LRRC75A: variants seen among roughly 807,000 people sequenced by gnomAD.
LRRC75A encodes the protein leucine rich repeat containing 75A.
A neutral mutation model predicts 26.0 loss-of-function variants in LRRC75A; 12 were observed. That is an observed-to-expected ratio of 0.46 (90% CI 0.30 to 0.75). The LOEUF (loss-of-function observed/expected upper bound fraction) is 0.75. Ranked by LOEUF, LRRC75A falls within the 30% of genes least tolerant of loss-of-function variation. The pLI is 0.08. For synonymous variants in LRRC75A, 223 were observed against 219.3 expected (o/e 1.02, Z -0.15); for missense variants, 410 against 486.6 (o/e 0.84, Z 1.48).
intron 1 of LRRC75A, among the ~76,000 whole-genome samples, chr17:16,471,190 T>C (rs2093804845): frequency 6.6e-6 from 1 of 151,944 alleles, no homozygotes. Context: ...AAGGCAGCAA[T>C]GTGAAGGTGG....
intron 2 of LRRC75A, among the ~76,000 whole-genome samples, chr17:16,456,104 GGGGAGGAGGAGGAGT>G (rs2093675644): frequency 3.4e-5 from 5 of 146,100 alleles, no homozygotes; most frequent in African/African-American, 7.9e-5. Context: ...GGAAGGGGAG[GGGGAGGAGGAGGAGT>G]AGCAGTAGTA....
chr17:16,467,729 G>T (rs760421268), intron 1 of LRRC75A, among the ~76,000 whole-genome samples: 6 of 152,112 alleles, frequency 3.9e-5, no homozygotes, highest in Admixed American at 6.5e-5. Context: ...GCGCCTGTAG[G>T]GCTGTCCTTG....
chr17:16,485,681 T>C lies in LRRC75A; in HGVS notation c.246+6064A>G, dbSNP rs868081280. Among the ~76,000 whole-genome samples, 8 of 135,544 alleles carry C rather than the reference T, an allele frequency of 5.9e-5. No individual in the cohort carries two copies. The East Asian group carries it at 1.2e-3, about 21-fold the overall frequency. The allele number at this position is 135,544 out of a possible 152,430, so 88.9% of individuals were successfully genotyped here. ...GTGTGTGTGTGTGTTCGTGTGTGTG[T>C]GTGTGTGTGTGTATGCGTGGGCGCG... On this transcript the variant is annotated intron_variant, in intron 1 of 3. Transcript: ENST00000470794.
intron 2 of LRRC75A, among the ~76,000 whole-genome samples, chr17:16,454,895 G>A (rs1338859581): frequency 1.3e-5 from 2 of 151,000 alleles, no homozygotes; most frequent in Non-Finnish European, 3.0e-5. Context: ...GGTAGCTGGG[G>A]CTAAGGGTCC....
rs765388071 is a variant in LRRC75A, at chr17:16,447,958, T to C, written c.378A>G (p.Glu126=). Residue 126 remains glutamate, a splice_region_variant and synonymous_variant, in exon 3 of 4, where the codon GAA becomes GAG. Transcript: ENST00000470794. ...LARYIHCPKP[E]GDALGAMEKL... is the part of the protein sequence containing the mutation. ...TCTCCATGGCGCCCAGTGCATCGCC[T>C]TCCTGCAGAGGCAACCATGGGTGGT... 6.4e-6 allele frequency: 10 copies of C among 1,550,932 alleles called. No individual in the cohort carries two copies. Among genetic ancestry groups the C allele is most frequent in the South Asian group, 1.2e-5 (1 of 84,052 alleles).
chr17:16,449,742 G>C (rs143971981), intron 2 of LRRC75A, among the ~76,000 whole-genome samples: 1 of 152,070 alleles, frequency 6.6e-6, no homozygotes, highest in African/African-American at 2.4e-5. Flanking sequence ...TCAGCCTCCC[G>C]AGTAGTTGGG....
intron 2 of LRRC75A, among the ~76,000 whole-genome samples, chr17:16,449,490 C>T (rs1479102066): frequency 6.6e-6 from 1 of 152,210 alleles, no homozygotes; most frequent in Non-Finnish European, 1.5e-5. Flanking sequence ...GCCCAACCCA[C>T]AGCAAGCTCT....
Position 16,444,003 on chromosome 17 carries a change from A to C in LRRC75A, c.620T>G (p.Val207Gly). 2.5e-6 allele frequency: 4 copies of C among 1,613,836 alleles called. No individual in the cohort carries two copies. The change falls in exon 4 of 4, where the codon GTG (valine) becomes GGG (glycine). Residue 207 changes from valine (V) to glycine (G), a missense_variant. Coordinates refer to ENST00000470794, the MANE Select transcript of LRRC75A (RefSeq NM_001113567.3). ...LQRCGEQVDS[V>G]ELGFTGLTDD... The stretch of plus-strand genomic sequence containing the variant: ...CGTGAGGCCTGTGAAGCCCAGCTCC[A>C]CGCTGTCTACCTGCTCCCCACAGCG...
At chr17:16,481,937 C>G (rs983810854) in intron 1 of LRRC75A, among the ~76,000 whole-genome samples, 5 of 152,198 alleles carry the variant, frequency 3.3e-5, no homozygotes, top group Non-Finnish European at 5.9e-5. Context: ...TCCGCATACG[C>G]AGAGGACTCC....
intron 2 of LRRC75A, among the ~76,000 whole-genome samples, chr17:16,460,049 G>GA (rs1305802801): frequency 2.0e-5 from 3 of 152,174 alleles, no homozygotes; most frequent in African/African-American, 7.2e-5. Flanking sequence ...GTATTTAGAG[G>GA]TGGGGCCTTT....
rs773178597 is a variant in LRRC75A, at chr17:16,442,971, C to A, written c.*617G>T. The A allele has an allele frequency of 6.6e-6, 1 of 152,608 alleles. No homozygotes were observed. The highest frequency in any genetic ancestry group is 3.4e-3 in the Middle Eastern group (1 of 294). The allele number at this position is 152,608 out of a possible 1,614,324, so 9.5% of individuals were successfully genotyped here. A position where few individuals can be genotyped will look rare whatever the true frequency, so the allele number is the denominator to read the frequency against. ...TAGGCTGCTCTGTCAAAGGATATAGCGATAGCTGGTCCTATGGGCAGATGC... is the reference window on the plus strand; with the variant it reads ...TAGGCTGCTCTGTCAAAGGATATAGAGATAGCTGGTCCTATGGGCAGATGC... On this transcript the variant is annotated 3_prime_UTR_variant, in exon 4 of 4. Transcript: ENST00000470794.
intron 2 of LRRC75A, among the ~76,000 whole-genome samples, chr17:16,453,628 G>A (rs1395269817): frequency 1.3e-5 from 2 of 152,112 alleles, no homozygotes; most frequent in Non-Finnish European, 2.9e-5. Context: ...CATGTATTGA[G>A]CAGCTGCGAT....
In LRRC75A at chr17:16,443,681, C is replaced by T. The variant is rs957213125; in HGVS notation, c.942G>A (p.Gly314=). 2.5e-6 allele frequency: 4 copies of T among 1,599,270 alleles called. No individual in the cohort carries two copies. The highest frequency in any genetic ancestry group is 3.4e-6 in the Non-Finnish European group (4 of 1,172,860). The change falls in exon 4 of 4, where the codon GGG becomes GGA. Residue 314 remains glycine, a synonymous_variant. Coordinates refer to ENST00000470794, the MANE Select transcript of LRRC75A (RefSeq NM_001113567.3). Reference sequence around the variant, plus strand: ...CTCCAGGGTCCTCCTGGCCTACTGTCCCTTCCCGGACCTCCTCCCCACTGC... The same window carrying T: ...CTCCAGGGTCCTCCTGGCCTACTGTTCCTTCCCGGACCTCCTCCCCACTGC... ...GPGSGEEVRE[G]TVGQEDPGGG... is the part of the protein sequence containing the mutation.
At chr17:16,490,922 TC>T (rs1335522825) in intron 1 of LRRC75A, among the ~76,000 whole-genome samples, 8 of 152,160 alleles carry the variant, frequency 5.3e-5, no homozygotes, top group Non-Finnish European at 1.0e-4. Context: ...TGGGCCATGC[TC>T]CTCTCCCCAC....
At chr17:16,458,914 C>T (rs1251019316) in intron 2 of LRRC75A, among the ~76,000 whole-genome samples, 2 of 152,210 alleles carry the variant, frequency 1.3e-5, no homozygotes, top group Non-Finnish European at 2.9e-5. Context: ...TGTTTTAAGC[C>T]ACTAAGTTTT....
intron 1 of LRRC75A, among the ~76,000 whole-genome samples, chr17:16,472,821 T>C (rs1344605724): frequency 6.6e-6 from 1 of 152,232 alleles, no homozygotes; most frequent in African/African-American, 2.4e-5. Context: ...ATAGTCATCA[T>C]ATTTATCAGC....
intron 1 of LRRC75A, among the ~76,000 whole-genome samples, chr17:16,463,510 C>T (rs1044569446): frequency 6.6e-6 from 1 of 152,118 alleles, no homozygotes; most frequent in Non-Finnish European, 1.5e-5. Context: ...CAAAGCAGGC[C>T]CACCCACTGC....
At chr17:16,456,154 G>GGAGGAGGGAGAGGAGGAGGAA (rs1303683952) in intron 2 of LRRC75A, among the ~76,000 whole-genome samples, 5 of 141,238 alleles carry the variant, frequency 3.5e-5, no homozygotes, top group African/African-American at 1.1e-4. Context: ...AGGAGGGAGA[G>GGAGGAGGGAGAGGAGGAGGAA]GAGGAGGAAG....
At chr17:16,454,780 G>T (rs2093663197) in intron 2 of LRRC75A, among the ~76,000 whole-genome samples, 1 of 151,944 alleles carries the variant, frequency 6.6e-6, no homozygotes, top group Admixed American at 6.6e-5. Flanking sequence ...CTGGGGTTTG[G>T]GGTCTTCATT....
Sources: gnomAD v4.1 joint callset for allele counts (sites outside exome capture counted in the v4.1 genomes callset) on GRCh38, gnomAD v4.1.1 for gene constraint, MANE v1.5 for transcripts, NCBI Gene and HGNC (gene_info 2026-07-23, HGNC 2026-07-21) for gene names.